Variants in ATXN1 observed in about 807,000 individuals in gnomAD.
ATXN1 encodes the protein ataxin-1.
A neutral mutation model predicts 56.4 loss-of-function variants in ATXN1; 8 were observed. That is an observed-to-expected ratio of 0.14 (90% CI 0.08 to 0.26). The LOEUF (loss-of-function observed/expected upper bound fraction) is 0.26. Among genes scored for constraint, ATXN1 ranks in the 10% least tolerant of loss-of-function variants. The pLI is 1.00. For synonymous variants in ATXN1, 514 were observed against 494.6 expected, an observed-to-expected ratio of 1.04 and a Z score of -0.52; for missense variants, 987 against 1,106.5, an observed-to-expected ratio of 0.89 and a Z score of 1.53.
intron 6 of ATXN1, among the ~76,000 whole-genome samples, chr6:16,377,497 G>C (rs1274892365): frequency 6.6e-6 from 1 of 152,124 alleles, no homozygotes; most frequent in Non-Finnish European, 1.5e-5. Context: ...GTTATATGAG[G>C]GTCCGGAGGG....
chr6:16,321,647 T>G (rs1760655864), intron 7 of ATXN1, among the ~76,000 whole-genome samples: 1 of 152,228 alleles, frequency 6.6e-6, no homozygotes, highest in Non-Finnish European at 1.5e-5. Context: ...GAGCGTCAGC[T>G]GGGACAATGC....
At chr6:16,401,450 TA>T (rs1025986542) in intron 6 of ATXN1, among the ~76,000 whole-genome samples, 31 of 151,816 alleles carry the variant, frequency 2.0e-4, no homozygotes, top group African/African-American at 7.5e-4. Context: ...TTTAAAAATT[TA>T]AAAAAAATAG....
intron 3 of ATXN1, among the ~76,000 whole-genome samples, chr6:16,594,473 CT>C (rs1045184703): frequency 3.3e-3 from 478 of 143,798 alleles, no homozygotes; most frequent in South Asian, 8.6e-3. Flanking sequence ...CCTTTTTTTC[CT>C]TTTTTTTTTT....
chr6:16,520,204 C>T (rs529580088), intron 5 of ATXN1, among the ~76,000 whole-genome samples: 2 of 152,236 alleles, frequency 1.3e-5, no homozygotes, highest in South Asian at 4.2e-4. Flanking sequence ...AAGACCCAGC[C>T]CCATTGCATA....
intron 3 of ATXN1, among the ~76,000 whole-genome samples, chr6:16,647,606 T>C (rs1052085505): frequency 3.9e-5 from 6 of 152,236 alleles, no homozygotes; most frequent in Non-Finnish European, 7.3e-5. Flanking sequence ...ATTTGTACAC[T>C]TGAAATTTGC....
At chr6:16,444,873 C>CA (rs1759601282) in intron 6 of ATXN1, among the ~76,000 whole-genome samples, 1 of 152,082 alleles carries the variant, frequency 6.6e-6, no homozygotes, top group African/African-American at 2.4e-5. Context: ...TCAGGCAAAG[C>CA]AAAGCAAACA....
intron 6 of ATXN1, among the ~76,000 whole-genome samples, chr6:16,473,728 C>T (rs192950486): frequency 9.2e-5 from 14 of 152,276 alleles, no homozygotes; most frequent in Admixed American, 5.9e-4. Flanking sequence ...CAGATTCATA[C>T]GGATATTGCT....
intron 7 of ATXN1, among the ~76,000 whole-genome samples, chr6:16,319,492 C>T (rs1760595722): frequency 1.3e-5 from 2 of 152,128 alleles, no homozygotes; most frequent in South Asian, 2.1e-4. Flanking sequence ...TAGGGTGGTA[C>T]AGCTGTTCTG....
chr6:16,677,103 G>A (rs909722250), intron 2 of ATXN1, among the ~76,000 whole-genome samples: 1 of 151,972 alleles, frequency 6.6e-6, no homozygotes, highest in East Asian at 1.9e-4. Flanking sequence ...AAAGGAACAA[G>A]AGGTTGTCCT....
chr6:16,487,090 G>C (rs1333982725), intron 5 of ATXN1, among the ~76,000 whole-genome samples: 2 of 152,088 alleles, frequency 1.3e-5, no homozygotes, highest in Non-Finnish European at 2.9e-5. Context: ...CTCCTGGAAC[G>C]ATACTATCAA....
intron 6 of ATXN1, among the ~76,000 whole-genome samples, chr6:16,473,934 C>G (rs1425213659): frequency 6.6e-6 from 1 of 152,184 alleles, no homozygotes; most frequent in Non-Finnish European, 1.5e-5. Context: ...TTTTAGGCTT[C>G]TACCACCTAA....
chr6:16,349,289 G>A (rs954105919), intron 6 of ATXN1, among the ~76,000 whole-genome samples: 2 of 152,192 alleles, frequency 1.3e-5, no homozygotes, highest in South Asian at 4.1e-4. Flanking sequence ...TGGATCACGA[G>A]ATGAAGAGAT....
chr6:16,373,475 G>C (rs966690155), intron 6 of ATXN1, among the ~76,000 whole-genome samples: 4 of 152,082 alleles, frequency 2.6e-5, no homozygotes, highest in Non-Finnish European at 5.9e-5. Context: ...CCACTCCAGG[G>C]GCCAGTCTGG....
At chr6:16,357,327 T>C (rs955387091) in intron 6 of ATXN1, among the ~76,000 whole-genome samples, 1 of 152,046 alleles carries the variant, frequency 6.6e-6, no homozygotes, top group African/African-American at 2.4e-5. Context: ...TGGAGTGCAG[T>C]GGCGTGACCC....
chr6:16,339,921 T>C (rs908391531), intron 6 of ATXN1, among the ~76,000 whole-genome samples: 4 of 152,218 alleles, frequency 2.6e-5, no homozygotes, highest in African/African-American at 9.6e-5. Context: ...AAGCTGGGAC[T>C]ACAGGCGCAT....
intron 3 of ATXN1, among the ~76,000 whole-genome samples, chr6:16,613,586 G>C (rs1404031329): frequency 3.4e-5 from 5 of 148,496 alleles, no homozygotes; most frequent in African/African-American, 7.9e-5. Flanking sequence ...CCATGCTTTG[G>C]GAGGCTGAGG....
intron 4 of ATXN1, among the ~76,000 whole-genome samples, chr6:16,581,224 TGC>T (rs753280309): frequency 0.072 from 8,232 of 114,180 alleles, 275 homozygotes; most frequent in East Asian, 0.096. Context: ...TGTGTGTGTG[TGC>T]GCGCGTGTGT....
intron 4 of ATXN1, among the ~76,000 whole-genome samples, chr6:16,571,603 C>G (rs1762333432): frequency 6.6e-6 from 1 of 151,958 alleles, no homozygotes. Context: ...GCAATCCTCC[C>G]ACCTCAGCCT....
chr6:16,632,538 C>A (rs1047366347), intron 3 of ATXN1, among the ~76,000 whole-genome samples: 7 of 152,160 alleles, frequency 4.6e-5, no homozygotes, highest in African/African-American at 1.4e-4. Context: ...GCCATGCCAC[C>A]AGCACAGCAG....
Sources: gnomAD v4.1 joint callset for allele counts (sites outside exome capture counted in the v4.1 genomes callset) on GRCh38, gnomAD v4.1.1 for gene constraint, MANE v1.5 for transcripts, NCBI Gene and HGNC (gene_info 2026-07-23, HGNC 2026-07-21) for gene names.